Variants in NR3C2 observed in about 807,000 individuals in gnomAD.
NR3C2 encodes the protein nuclear receptor subfamily 3 group C member 2.
NR3C2 carries 15 observed loss-of-function variants against 86.4 expected under a neutral mutation model. The ratio of observed to expected loss-of-function variants is 0.17; its 90% CI spans 0.12 to 0.27. The LOEUF is 0.27. NR3C2 is among the 10% of genes least tolerant of loss of function. The pLI is 1.00. For missense variants in NR3C2, 960 were observed against 1,195.6 expected, an observed-to-expected ratio of 0.80 and a Z score of 2.91; for synonymous variants, 458 against 450.5, an observed-to-expected ratio of 1.02 and a Z score of -0.21.
At chr4:148,157,905 A>C (rs571029635) in intron 4 of NR3C2, among the ~76,000 whole-genome samples, 6 of 152,344 alleles carry the variant, frequency 3.9e-5, no homozygotes, top group Middle Eastern at 3.4e-3. Flanking sequence ...TTCAGATAAA[A>C]GATAAGCTAT....
chr4:148,443,093 G>A (rs1750431707), upstream of NR3C2: 2 of 489,086 alleles, frequency 4.1e-6, no homozygotes, highest in Non-Finnish European at 5.3e-6. Flanking sequence ...CCTCTCAGCA[G>A]AGCAGCAGCA....
intron 7 of NR3C2, among the ~76,000 whole-genome samples, chr4:148,118,870 CCTGT>C (rs1732385670): frequency 1.3e-5 from 2 of 152,148 alleles, no homozygotes; most frequent in African/African-American, 4.8e-5. Context: ...TCCACTTGCT[CCTGT>C]CTATCATACT....
At chr4:148,419,436 T>C (rs897432540) in intron 2 of NR3C2, among the ~76,000 whole-genome samples, 1 of 152,052 alleles carries the variant, frequency 6.6e-6, no homozygotes. Context: ...TGTTAGTAAT[T>C]CTCCCATATT....
intron 3 of NR3C2, among the ~76,000 whole-genome samples, chr4:148,222,592 C>T (rs553745421): frequency 6.6e-6 from 1 of 152,258 alleles, no homozygotes; most frequent in East Asian, 1.9e-4. Flanking sequence ...TTATTATTAA[C>T]AACTGAATTG....
chr4:148,306,318 T>C (rs1251238347), intron 2 of NR3C2, among the ~76,000 whole-genome samples: 1 of 152,240 alleles, frequency 6.6e-6, no homozygotes, highest in Non-Finnish European at 1.5e-5. Flanking sequence ...ATTAGCTTCC[T>C]TGAAATCAGA....
intron 2 of NR3C2, among the ~76,000 whole-genome samples, chr4:148,312,448 G>A (rs1265569218): frequency 6.6e-6 from 1 of 152,076 alleles, no homozygotes; most frequent in Non-Finnish European, 1.5e-5. Context: ...TTCTTTCCCT[G>A]CAGCCAGCCA....
intron 2 of NR3C2, among the ~76,000 whole-genome samples, chr4:148,371,391 C>G (rs1746414177): frequency 6.6e-6 from 1 of 152,120 alleles, no homozygotes; most frequent in African/African-American, 2.4e-5. Context: ...AAACATTTCT[C>G]CAGTCCTGTC....
chr4:148,216,200 T>C (rs918184226), intron 3 of NR3C2, among the ~76,000 whole-genome samples: 4 of 152,136 alleles, frequency 2.6e-5, no homozygotes, highest in Admixed American at 2.6e-4. Flanking sequence ...TATTTTAACA[T>C]ATCACAAAAT....
chr4:148,354,633 C>G (rs572355996), intron 2 of NR3C2, among the ~76,000 whole-genome samples: 1 of 151,978 alleles, frequency 6.6e-6, no homozygotes, highest in Non-Finnish European at 1.5e-5. Flanking sequence ...CAGGCCTGTA[C>G]TAGATAGATA....
At chr4:148,235,214 T>A (rs1284511039) in intron 3 of NR3C2, among the ~76,000 whole-genome samples, 3 of 151,262 alleles carry the variant, frequency 2.0e-5, no homozygotes, top group Non-Finnish European at 4.4e-5. Flanking sequence ...AAGGAAATTT[T>A]TGAGGATTAT....
At chr4:148,184,294 CA>C (rs35947630) in intron 4 of NR3C2, among the ~76,000 whole-genome samples, 92,446 of 141,210 alleles carry the variant, frequency 0.65, 30,073 homozygotes, top group Non-Finnish European at 0.73. Flanking sequence ...ACTAAAAATA[CA>C]AAAAAAAAAA....
At chr4:148,425,418 G>T (rs1749478881) in intron 2 of NR3C2, among the ~76,000 whole-genome samples, 1 of 152,316 alleles carries the variant, frequency 6.6e-6, no homozygotes, top group East Asian at 1.9e-4. Context: ...TCAATAAGAA[G>T]ATCAAGGAAG....
intron 3 of NR3C2, among the ~76,000 whole-genome samples, chr4:148,250,152 C>T (rs2149859154): frequency 6.6e-6 from 1 of 152,176 alleles, no homozygotes; most frequent in South Asian, 2.1e-4. Context: ...TCATTATCAG[C>T]TTCTCTTTTT....
rs551068669 is a variant in NR3C2 at position 148,379,069 on chromosome 4, TA to T, written c.1757+56034del. ...AGCATACAATATGATACATGAAGAT[TA>T]AAAACTAGAAGACAACACTAACAAG... On this transcript the variant is annotated intron_variant, in intron 2 of 8. Coordinates refer to ENST00000358102, the MANE Select transcript of NR3C2 (RefSeq NM_000901.5). 1.5e-4 allele frequency among the ~76,000 whole-genome samples: 23 copies of T among 152,204 alleles called. No individual in the cohort carries two copies. The South Asian group carries it at 3.9e-3, about 26-fold the overall frequency.
rs553543901 is a variant in NR3C2 at position 148,227,714 on chromosome 4, G to T, written c.1897+32264C>A. Among the ~76,000 whole-genome samples, 4 of 152,210 alleles carry T rather than the reference G, an allele frequency of 2.6e-5. No homozygotes were observed. In the East Asian group the frequency reaches 7.7e-4, roughly 29 times the overall value. On this transcript the variant is annotated intron_variant, in intron 3 of 8. Coordinates refer to ENST00000358102, the MANE Select transcript of NR3C2 (RefSeq NM_000901.5). ...ATGAAATTATGGATATTTAATGCAT[G>T]CTATGGATTATAATCTATTCACCCT...
chr4:148,226,497 T>A (rs572390663), intron 3 of NR3C2, among the ~76,000 whole-genome samples: 1 of 152,312 alleles, frequency 6.6e-6, no homozygotes, highest in South Asian at 2.1e-4. Flanking sequence ...ACCCACATTA[T>A]GAATAAAGAT....
intron 6 of NR3C2, among the ~76,000 whole-genome samples, chr4:148,130,814 G>GTT (rs1193845630): frequency 0.01 from 789 of 76,906 alleles, 38 homozygotes; most frequent in South Asian, 0.016. Context: ...GTTTTGTTTT[G>GTT]TTTTGTTTTT....
chr4:148,209,178 A>C (rs1312996104), intron 3 of NR3C2, among the ~76,000 whole-genome samples: 1 of 150,390 alleles, frequency 6.6e-6, no homozygotes, highest in Non-Finnish European at 1.5e-5. Flanking sequence ...CAGGAGGCAG[A>C]GGTTGCAGTG....
chr4:148,281,449 A>G (rs1002015617), intron 2 of NR3C2, among the ~76,000 whole-genome samples: 2 of 152,264 alleles, frequency 1.3e-5, no homozygotes, highest in African/African-American at 4.8e-5. Context: ...GTATATTTCC[A>G]TAATTTCAAT....
Sources: gnomAD v4.1 joint callset for allele counts (sites outside exome capture counted in the v4.1 genomes callset) on GRCh38, gnomAD v4.1.1 for gene constraint, MANE v1.5 for transcripts, NCBI Gene and HGNC (gene_info 2026-07-23, HGNC 2026-07-21) for gene names.